Variants in CALHM4 observed in about 807,000 individuals in gnomAD.
CALHM4 encodes the protein calcium homeostasis modulator protein 4.
A neutral mutation model predicts 13.3 loss-of-function variants in CALHM4; 16 were observed. The ratio of observed to expected loss-of-function variants is 1.20; its 90% CI spans 0.81 to 1.82. The LOEUF (loss-of-function observed/expected upper bound fraction) is 1.82. CALHM4 is among the 40% of genes most tolerant of loss of function. The pLI, the probability that CALHM4 is intolerant of heterozygous loss-of-function variation, is 0.00. For missense variants in CALHM4, 344 were observed against 374.9 expected (o/e 0.92, Z 0.68); for synonymous variants, 127 against 137.1 (o/e 0.93, Z 0.52).
chr6:116,530,655 T>C (rs554563744), intron 1 of CALHM4, among the ~76,000 whole-genome samples: 1 of 152,222 alleles, frequency 6.6e-6, no homozygotes, highest in East Asian at 1.9e-4. Context: ...ATTAACAATG[T>C]GGTTTCACTT....
intron 2 of CALHM4, among the ~76,000 whole-genome samples, chr6:116,547,047 T>G (rs978715859): frequency 1.3e-5 from 2 of 152,300 alleles, no homozygotes; most frequent in Admixed American, 1.3e-4. Context: ...GTAGAGAGGT[T>G]GAGAAATGTA....
intron 2 of CALHM4, among the ~76,000 whole-genome samples, chr6:116,547,861 A>G (rs2115267214): frequency 6.6e-6 from 1 of 152,352 alleles, no homozygotes; most frequent in South Asian, 2.1e-4. Context: ...CACATTCTTC[A>G]GTCTGGTAAA....
chr6:116,541,230 A>G (rs940516311), intron 1 of CALHM4, among the ~76,000 whole-genome samples: 5 of 152,214 alleles, frequency 3.3e-5, no homozygotes, highest in Admixed American at 2.6e-4. Flanking sequence ...AAAAACGACT[A>G]GATTTCCCAG....
At chr6:116,540,623 G>A (rs1033144240) in intron 1 of CALHM4, among the ~76,000 whole-genome samples, 4 of 151,908 alleles carry the variant, frequency 2.6e-5, no homozygotes, top group African/African-American at 9.7e-5. Flanking sequence ...CTTCTTATTC[G>A]CCCCACAGAC....
At chr6:116,543,868 A>G in exon 2 of CALHM4, 1 of 1,532,562 alleles carries the variant, frequency 6.5e-7, no homozygotes, top group Non-Finnish European at 8.7e-7. Context: ...TGTAGCAGCA[A>G]ATTTGTGAGT....
At chr6:116,541,082 G>A (rs568117205) in intron 1 of CALHM4, among the ~76,000 whole-genome samples, 2 of 152,190 alleles carry the variant, frequency 1.3e-5, no homozygotes, top group East Asian at 1.9e-4. Context: ...GGAAGGTATT[G>A]TATTATCTCC....
chr6:116,533,764 C>T (rs1772895493), intron 1 of CALHM4, among the ~76,000 whole-genome samples: 1 of 152,218 alleles, frequency 6.6e-6, no homozygotes, highest in Non-Finnish European at 1.5e-5. Context: ...TCTTCTGTCT[C>T]TAGCGTGCCT....
intron 1 of CALHM4, among the ~76,000 whole-genome samples, chr6:116,534,107 C>T (rs1043955524): frequency 1.5e-5 from 2 of 131,248 alleles, no homozygotes; most frequent in African/African-American, 2.5e-5. Flanking sequence ...TTCTGTAGTG[C>T]GTTTTTTTTT....
In CALHM4 at chr6:116,560,661, G is replaced by A. The variant is rs1299677522; in HGVS notation, c.*2450G>A. On this transcript the variant is annotated 3_prime_UTR_variant, in exon 2 of 2. Coordinates refer to ENST00000368596, the MANE Select transcript of CALHM4 (RefSeq NM_001366078.2). ...AATTTTTAGTATTTTGGGGGGGGGGGGGGCTATGGTCTATAGCATTTTTTT... is the reference window on the plus strand; with the variant it reads ...AATTTTTAGTATTTTGGGGGGGGGGAGGGCTATGGTCTATAGCATTTTTTT... Among the ~76,000 whole-genome samples, 5 of 143,570 alleles carry A rather than the reference G, an allele frequency of 3.5e-5. No individual in the cohort carries two copies. Among genetic ancestry groups the A allele is most frequent in the South Asian group, 2.4e-4 (1 of 4,172 alleles). 94.2% of individuals were successfully genotyped at this position (143,570 alleles called of 152,430 possible). A position where few individuals can be genotyped will look rare whatever the true frequency, so the allele number is the denominator to read the frequency against.
chr6:116,550,358 C>G (rs892935502), upstream of CALHM4, among the ~76,000 whole-genome samples: 9 of 152,010 alleles, frequency 5.9e-5, no homozygotes, highest in Non-Finnish European at 1.3e-4. Flanking sequence ...TGTGTTAGAC[C>G]ACCTGAGTCC....
intron 1 of CALHM4, among the ~76,000 whole-genome samples, chr6:116,538,231 G>GA (rs1259829819): frequency 2.6e-5 from 4 of 152,142 alleles, no homozygotes; most frequent in African/African-American, 4.8e-5. Flanking sequence ...TAGACAGTAA[G>GA]AAAAAACTGG....
chr6:116,540,506 T>C (rs1375608769), intron 1 of CALHM4: 2 of 1,525,238 alleles, frequency 1.3e-6, no homozygotes, highest in South Asian at 2.4e-5. Flanking sequence ...TCTAAGAAAT[T>C]AGTGAAGTCT....
At chr6:116,547,976 C>A (rs1463837667) in intron 2 of CALHM4, among the ~76,000 whole-genome samples, 1 of 152,142 alleles carries the variant, frequency 6.6e-6, no homozygotes, top group East Asian at 1.9e-4. Flanking sequence ...TGGGAAGGTG[C>A]TAATAGAGGA....
intron 1 of CALHM4, among the ~76,000 whole-genome samples, chr6:116,538,467 A>C: frequency 6.6e-6 from 1 of 152,206 alleles, no homozygotes; most frequent in East Asian, 1.9e-4. Context: ...TCTTCTTAAA[A>C]AAATAAGTGA....
rs557555370 is a variant in CALHM4, at chr6:116,559,580, C to T, written c.*1369C>T. On this transcript the variant is annotated 3_prime_UTR_variant, in exon 2 of 2. Coordinates refer to ENST00000368596, the MANE Select transcript of CALHM4 (RefSeq NM_001366078.2). ...AGAGACTGCATATTGTAGCTCTTTG[C>T]TGGGACAGGAGAACTGTCCTGCCCT... Among the ~76,000 whole-genome samples the T allele has an allele frequency of 1.0e-3, 155 of 152,258 alleles. No homozygotes were observed. The highest frequency in any genetic ancestry group is 3.6e-3 in the African/African-American group (151 of 41,552).
At position 116,559,111 on chromosome 6, in the gene CALHM4, T is replaced by C. The variant is rs1268963052; in HGVS notation, c.*900T>C. ...TATCTGTAACTACAAAAGAGGATAATTCCTGCTTGGTGTTGCTCTGCCTGG... is the reference window on the plus strand; with the variant it reads ...TATCTGTAACTACAAAAGAGGATAACTCCTGCTTGGTGTTGCTCTGCCTGG... On this transcript the variant is annotated 3_prime_UTR_variant, in exon 2 of 2. Transcript: ENST00000368596. Among the ~76,000 whole-genome samples the C allele has an allele frequency of 6.6e-6, 1 of 152,220 alleles. No homozygotes were observed. Among genetic ancestry groups the C allele is most frequent in the African/African-American group, 2.4e-5 (1 of 41,460 alleles).
upstream of CALHM4, among the ~76,000 whole-genome samples, chr6:116,548,958 CTTTAA>C (rs1260963632): frequency 6.6e-6 from 1 of 152,112 alleles, no homozygotes; most frequent in East Asian, 1.9e-4. Context: ...ACCATCTGTA[CTTTAA>C]TTAAGTTCAT....
chr6:116,556,939 C>CTTT lies in CALHM4; in HGVS notation c.559-869_559-867dup, dbSNP rs35964763. 9.0e-4 allele frequency among the ~76,000 whole-genome samples: 108 copies of CTTT among 119,482 alleles called. 1 individual carries two copies. Among genetic ancestry groups the CTTT allele is most frequent in the South Asian group, 2.8e-3 (10 of 3,606 alleles). The allele number at this position is 119,482 out of a possible 152,430, so 78.4% of individuals were successfully genotyped here. On this transcript the variant is annotated intron_variant, in intron 1 of 1. Transcript: ENST00000368596. ...ACTATGCTATTCATTTATTTTTAAT[C>CTTT]TTTTTTTTTTTTTTTTTTTGAGATG... is the stretch of plus-strand genomic sequence containing the variant.
At position 116,554,302 on chromosome 6, in the gene CALHM4, T is replaced by C. The variant is rs761588826; in HGVS notation, c.509T>C (p.Val170Ala). ...FPCCRSAPSD[V>A]ILVRDEIALL... ...TGTTGCAGATCAGCTCCTTCTGACG[T>C]GATCCTAGTAAGAGATGAAATAGCT... Residue 170 changes from valine (V) to alanine (A), a missense_variant, in exon 1 of 2, where the codon GTG becomes GCG. By Grantham distance (64) the Val-to-Ala change is moderately conservative (BLOSUM62 0). Coordinates refer to ENST00000368596, the MANE Select transcript of CALHM4 (RefSeq NM_001366078.2). The C allele has an allele frequency of 6.5e-7, 1 of 1,549,782 alleles. No homozygotes were observed. Among genetic ancestry groups the C allele is most frequent in the Non-Finnish European group, 8.7e-7 (1 of 1,146,932 alleles).
Sources: gnomAD v4.1 joint callset for allele counts (sites outside exome capture counted in the v4.1 genomes callset) on GRCh38, gnomAD v4.1.1 for gene constraint, MANE v1.5 for transcripts, NCBI Gene and HGNC (gene_info 2026-07-23, HGNC 2026-07-21) for gene names.